Variants in TMEM178A observed in about 807,000 individuals in gnomAD.
TMEM178A encodes transmembrane protein 178A.
TMEM178A carries 12 observed loss-of-function variants against 29.1 expected under a neutral mutation model. That is an observed-to-expected ratio of 0.41 (90% CI 0.26 to 0.67). The LOEUF (loss-of-function observed/expected upper bound fraction) is 0.67, where lower values mean the gene tolerates loss of function less well. Among genes scored for constraint, TMEM178A ranks in the 30% least tolerant of loss-of-function variants. The pLI is 0.29. For synonymous variants in TMEM178A, 210 were observed against 187.2 expected, an observed-to-expected ratio of 1.12 and a Z score of -0.99; for missense variants, 366 against 419.1, an observed-to-expected ratio of 0.87 and a Z score of 1.11.
At chr2:39,713,497 G>T (rs1672401334) in intron 3 of TMEM178A, among the ~76,000 whole-genome samples, 2 of 152,128 alleles carry the variant, frequency 1.3e-5, no homozygotes, top group Non-Finnish European at 2.9e-5. Flanking sequence ...AGGTGATATG[G>T]ATGGGCCCTA....
chr2:39,735,179 A>G, the TMEM178A span, among the ~76,000 whole-genome samples: 1 of 152,064 alleles, frequency 6.6e-6, no homozygotes, highest in South Asian at 2.1e-4. Flanking sequence ...TACCACCTCT[A>G]CCTGCCACCC....
At chr2:39,734,815 A>G in the TMEM178A span, among the ~76,000 whole-genome samples, 2 of 152,166 alleles carry the variant, frequency 1.3e-5, no homozygotes, top group African/African-American at 2.4e-5. Context: ...TTCTTGGCTA[A>G]AAGTCTTCAG....
intron 2 of TMEM178A, among the ~76,000 whole-genome samples, chr2:39,705,255 A>C (rs993540170): frequency 6.6e-6 from 1 of 152,238 alleles, no homozygotes; most frequent in African/African-American, 2.4e-5. Flanking sequence ...TGCTTTTAGC[A>C]GTCTCATGCA....
At chr2:39,720,806 T>C (rs1338207740), downstream of TMEM178A, among the ~76,000 whole-genome samples, 1 of 152,128 alleles carries the variant, frequency 6.6e-6, no homozygotes, top group Non-Finnish European at 1.5e-5. Flanking sequence ...CCATAAAAAA[T>C]GTACAGTCGT....
chr2:39,708,455 G>C (rs1431687354), intron 3 of TMEM178A, among the ~76,000 whole-genome samples: 1 of 110,402 alleles, frequency 9.1e-6, no homozygotes, highest in African/African-American at 3.5e-5. Flanking sequence ...GTTTCGCTCT[G>C]TCGCCCAGGC....
chr2:39,674,828 CTCTT>C (rs1423895079), intron 1 of TMEM178A, among the ~76,000 whole-genome samples: 1 of 152,122 alleles, frequency 6.6e-6, no homozygotes, highest in Admixed American at 6.5e-5. Context: ...TTCTCTCTCT[CTCTT>C]TTTTTTTCTC....
chr2:39,717,318 C>A lies in TMEM178A; in HGVS notation c.*67C>A, dbSNP rs1672590955. 5 of 1,542,546 alleles carry A rather than the reference C, an allele frequency of 3.2e-6. No homozygotes were observed. In the South Asian group the frequency reaches 5.1e-5, roughly 16 times the overall value. ...GGGGAACAGCGCGGAGTTCAGGAGT[C>A]CAAGCACAAAGCGGTCTTTTACATT... On this transcript the variant is annotated 3_prime_UTR_variant, in exon 4 of 4. Transcript: ENST00000281961.
At position 39,691,128 on chromosome 2, in the gene TMEM178A, G is replaced by A. The variant is rs187032371; in HGVS notation, c.401-12953G>A. Among the ~76,000 whole-genome samples the A allele has an allele frequency of 3.1e-3, 470 of 152,298 alleles. 10 individuals are homozygous for A. Among genetic ancestry groups the A allele is most frequent in the Admixed American group, 0.027 (420 of 15,296 alleles). ...CAAAATTCCAGAAGGAGCAAAGAAA[G>A]AAGAAAGGGACAGAAAGCATATTTA... On this transcript the variant is annotated intron_variant, in intron 1 of 3. Coordinates refer to ENST00000281961, the MANE Select transcript of TMEM178A (RefSeq NM_152390.3).
chr2:39,706,929 G>T, intron 2 of TMEM178A, 120 bp from the exon 3 acceptor site: 1 of 1,181,808 alleles, frequency 8.5e-7, no homozygotes, highest in Non-Finnish European at 1.2e-6. Context: ...TGTCCTGTGG[G>T]CTCTAAGCCT....
In TMEM178A at chr2:39,704,196, T is replaced by A; in HGVS notation, c.514+2T>A. ...AGCAAGATGAGTGGCACCTGCTTCG[T>A]AAGTATTTCCAGGAGAGGTTCAGAG... On this transcript the variant is annotated splice_donor_variant, in intron 2 of 3. Transcript: ENST00000281961. LOFTEE classifies it high-confidence loss of function. The A allele has an allele frequency of 6.2e-7, 1 of 1,613,008 alleles. No homozygotes were observed. Among genetic ancestry groups the A allele is most frequent in the Non-Finnish European group, 8.5e-7 (1 of 1,179,032 alleles).
At chr2:39,702,058 C>G (rs534058772) in intron 1 of TMEM178A, among the ~76,000 whole-genome samples, 1 of 151,718 alleles carries the variant, frequency 6.6e-6, no homozygotes, top group South Asian at 2.1e-4. Context: ...TCAGTGACAG[C>G]TTCTATTGAC....
Position 39,717,894 on chromosome 2 carries a change from G to A in TMEM178A, c.*643G>A, listed in dbSNP as rs188720081. 52 of 152,526 alleles carry A rather than the reference G, an allele frequency of 3.4e-4. No homozygotes were observed. Among genetic ancestry groups the A allele is most frequent in the African/African-American group, 1.1e-3 (47 of 41,482 alleles). The allele number at this position is 152,526 out of a possible 1,614,324, so 9.4% of individuals were successfully genotyped here. ...GTGACACTATGCAGTATTGTTTGAA[G>A]ACCTGTTGTTCAACCTCTGTCTCTT... On this transcript the variant is annotated 3_prime_UTR_variant, in exon 4 of 4. Transcript: ENST00000281961.
At chr2:39,721,797 C>G (rs1672710749), downstream of TMEM178A, among the ~76,000 whole-genome samples, 1 of 151,844 alleles carries the variant, frequency 6.6e-6, no homozygotes, top group African/African-American at 2.4e-5. Context: ...TATTCAAGAC[C>G]AGGCTGGGCA....
chr2:39,666,257 G>C lies in TMEM178A; in HGVS notation c.283G>C (p.Gly95Arg). 2.2e-6 allele frequency: 3 copies of C among 1,381,344 alleles called. No individual in the cohort carries two copies. The highest frequency in any genetic ancestry group is 2.0e-4 in the Middle Eastern group (1 of 4,998). The allele number at this position is 1,381,344 out of a possible 1,614,324, so 85.6% of individuals were successfully genotyped here. ...CCCCGAGTCCTGGCGCTCGCTCCTG[G>C]GGCTCGGCGGGCTGGACGCCGAGTG... Reference protein sequence around the residue: ...ADPESWRSLLGLGGLDAECGR... With the variant: ...ADPESWRSLLRLGGLDAECGR... Residue 95 changes from glycine to arginine, a missense_variant, in exon 1 of 4, where the codon GGG (glycine) becomes CGG (arginine). Gly to Arg is a moderately radical substitution (Grantham distance 125, BLOSUM62 -2). Around this residue, in one of 2 missense-constraint regions of TMEM178A, gnomAD observed 247 missense variants for 246.8 expected, o/e 1.00. Transcript: ENST00000281961.
At chr2:39,681,932 G>A (rs1490567722) in intron 1 of TMEM178A, among the ~76,000 whole-genome samples, 1 of 152,150 alleles carries the variant, frequency 6.6e-6, no homozygotes, top group Admixed American at 6.5e-5. Flanking sequence ...TCCAGAGGGA[G>A]AGGAATAGGA....
chr2:39,679,631 T>G (rs937879236), intron 1 of TMEM178A, among the ~76,000 whole-genome samples: 3 of 152,290 alleles, frequency 2.0e-5, no homozygotes, highest in Non-Finnish European at 4.4e-5. Flanking sequence ...TCTTCCTTTG[T>G]CTCTGTTCTT....
chr2:39,695,768 C>T (rs955021302), intron 1 of TMEM178A, among the ~76,000 whole-genome samples: 2 of 151,906 alleles, frequency 1.3e-5, no homozygotes, highest in African/African-American at 4.8e-5. Context: ...CAGAGCCAGT[C>T]AATGAAAACC....
chr2:39,702,492 A>G (rs1375549608), intron 1 of TMEM178A, among the ~76,000 whole-genome samples: 1 of 152,128 alleles, frequency 6.6e-6, no homozygotes, highest in East Asian at 1.9e-4. Context: ...TGAAGAATAC[A>G]AATGTAAGCT....
chr2:39,704,500 C>G (rs552568926), intron 2 of TMEM178A, among the ~76,000 whole-genome samples: 130 of 152,192 alleles, frequency 8.5e-4, no homozygotes, highest in African/African-American at 3.1e-3. Flanking sequence ...CCTGCTGTAC[C>G]CCTTGTCTTG....
Sources: allele counts gnomAD v4.1 joint callset (sites outside exome capture counted in the v4.1 genomes callset), GRCh38; gene constraint gnomAD v4.1.1; regional missense constraint gnomAD v4.1.1; transcripts MANE v1.5; gene names NCBI Gene and HGNC (gene_info 2026-07-23, HGNC 2026-07-21).